Variants in MYBPC1 observed in about 807,000 individuals in gnomAD.
MYBPC1 encodes the protein myosin-binding protein C, slow-type.
MYBPC1 carries 52 observed loss-of-function variants against 147.1 expected under a neutral mutation model. The observed-to-expected ratio is 0.35, with a 90% CI of 0.28 to 0.45. The LOEUF (loss-of-function observed/expected upper bound fraction) is 0.45. Ranked by LOEUF, MYBPC1 falls within the 20% of genes least tolerant of loss-of-function variation. MYBPC1 has a pLI of 1.00. For synonymous variants in MYBPC1, 477 were observed against 475.9 expected, an observed-to-expected ratio of 1.00 and a Z score of -0.03; for missense variants, 1,228 against 1,440.3, an observed-to-expected ratio of 0.85 and a Z score of 2.39.
intron 18 of MYBPC1, among the ~76,000 whole-genome samples, chr12:101,658,139 A>G (rs949259534): frequency 6.6e-6 from 1 of 151,772 alleles, no homozygotes; most frequent in Non-Finnish European, 1.5e-5. Context: ...TCAAAAAAAA[A>G]AAAAAAAAAA....
At chr12:101,675,497 G>A in intron 26 of MYBPC1, 66 bp downstream of exon 26, 1 of 1,605,424 alleles carries the variant, frequency 6.2e-7, no homozygotes. Context: ...TAAAGGAGAT[G>A]GCACAAGGGC....
intron 26 of MYBPC1, among the ~76,000 whole-genome samples, chr12:101,676,037 GC>G (rs1408072954): frequency 2.0e-5 from 3 of 152,206 alleles, no homozygotes; most frequent in Non-Finnish European, 2.9e-5. Flanking sequence ...GGCTTTGAAT[GC>G]AGCCCAACAC....
At chr12:101,693,396 G>A in the MYBPC1 span, among the ~76,000 whole-genome samples, 10 of 152,154 alleles carry the variant, frequency 6.6e-5, no homozygotes, top group African/African-American at 2.2e-4. Flanking sequence ...CTGTGATTGA[G>A]ACAGCTTGAT....
At chr12:101,658,650 AG>A (rs1896014699) in intron 18 of MYBPC1, among the ~76,000 whole-genome samples, 1 of 152,226 alleles carries the variant, frequency 6.6e-6, no homozygotes, top group African/African-American at 2.4e-5. Flanking sequence ...ATTGATACAA[AG>A]GAGATGGATT....
At chr12:101,615,954 G>T (rs936820382) in intron 2 of MYBPC1, among the ~76,000 whole-genome samples, 2 of 151,716 alleles carry the variant, frequency 1.3e-5, no homozygotes, top group Non-Finnish European at 2.9e-5. Context: ...AAGCTGGAGC[G>T]CAGTGGCACC....
chr12:101,618,280 C>T (rs1171904406), intron 3 of MYBPC1, among the ~76,000 whole-genome samples: 4 of 152,224 alleles, frequency 2.6e-5, no homozygotes, highest in Non-Finnish European at 4.4e-5. Flanking sequence ...TCATAATGAA[C>T]GCATAACGTT....
chr12:101,599,087 T>G (rs993985429), intron 1 of MYBPC1, among the ~76,000 whole-genome samples: 1 of 152,254 alleles, frequency 6.6e-6, no homozygotes, highest in Non-Finnish European at 1.5e-5. Context: ...AGTTTTCTCA[T>G]GTTCCGTGTA....
chr12:101,599,220 T>C (rs933070797), intron 1 of MYBPC1, among the ~76,000 whole-genome samples: 3 of 152,366 alleles, frequency 2.0e-5, no homozygotes, highest in Non-Finnish European at 4.4e-5. Context: ...CAGATTATTT[T>C]GCTGTGTCAA....
chr12:101,661,172 C>T lies in MYBPC1; in HGVS notation c.1942C>T (p.Pro648Ser). 6.2e-7 allele frequency: 1 copy of T among 1,613,426 alleles called. No homozygotes were observed. Among genetic ancestry groups the T allele is most frequent in the Non-Finnish European group, 8.5e-7 (1 of 1,179,734 alleles). The change falls in exon 20 of 32, where the codon CCA becomes TCA. Residue 648 changes from proline (P) to serine (S), a missense_variant. Pro to Ser is a moderately conservative substitution (Grantham distance 74, BLOSUM62 -1). Coordinates refer to ENST00000361466, the MANE Select transcript of MYBPC1 (RefSeq NM_002465.4). ...KVKVVDFPDP[P>S]VAPTVTEVGD... ...GTCTGCCACAGACTTCCCTGATCCT[C>T]CAGTGGCACCGACTGTGACAGAGGT...
the MYBPC1 span, among the ~76,000 whole-genome samples, chr12:101,694,027 T>G: frequency 6.6e-6 from 1 of 152,196 alleles, no homozygotes; most frequent in African/African-American, 2.4e-5. Context: ...GGCGGCAGAC[T>G]AATAAAATGG....
chr12:101,631,838 C>A, intron 7 of MYBPC1, 119 bp downstream of exon 7: 1 of 1,468,620 alleles, frequency 6.8e-7, no homozygotes, highest in Non-Finnish European at 9.5e-7. Flanking sequence ...TCTGAAGTTA[C>A]CATTGCAGTG....
At chr12:101,676,120 C>G (rs374294443) in intron 26 of MYBPC1, among the ~76,000 whole-genome samples, 14 of 152,120 alleles carry the variant, frequency 9.2e-5, no homozygotes, top group African/African-American at 3.1e-4. Context: ...CTATCGTTAG[C>G]GTTAGTCTAT....
chr12:101,606,903 C>T (rs1400268266), intron 1 of MYBPC1, among the ~76,000 whole-genome samples: 2 of 152,094 alleles, frequency 1.3e-5, no homozygotes, highest in Non-Finnish European at 2.9e-5. Context: ...TGACTCACTG[C>T]AACCTTCGCC....
chr12:101,654,476 A>G (rs961543779), intron 18 of MYBPC1, among the ~76,000 whole-genome samples: 1 of 152,184 alleles, frequency 6.6e-6, no homozygotes, highest in Non-Finnish European at 1.5e-5. Context: ...GCAGTGGCAC[A>G]AGGAAGAAAA....
rs1593918749 is a variant in MYBPC1, at chr12:101,653,097, C to G, written c.1634-18C>G. Reference sequence around the variant, plus strand: ...AGAAATGACTGTCTGATAACAAAGACTATGCTTAATATTCTAGATCCTCCT... The same window carrying G: ...AGAAATGACTGTCTGATAACAAAGAGTATGCTTAATATTCTAGATCCTCCT... On this transcript the variant is annotated intron_variant, in intron 17 of 31. Coordinates refer to ENST00000361466, the MANE Select transcript of MYBPC1 (RefSeq NM_002465.4). 1.1e-6 allele frequency: 1 copy of G among 885,130 alleles called. No individual in the cohort carries two copies. The highest frequency in any genetic ancestry group is 2.7e-5 in the East Asian group (1 of 37,120). The allele number at this position is 885,130 out of a possible 1,614,324, so 54.8% of individuals were successfully genotyped here.
At position 101,678,257 on chromosome 12, in the gene MYBPC1, A is replaced by G. The variant is rs199643410; in HGVS notation, c.3246+19A>G. The G allele has an allele frequency of 2.5e-6, 4 of 1,613,548 alleles. No individual in the cohort carries two copies. Among genetic ancestry groups the G allele is most frequent in the Middle Eastern group, 1.7e-4 (1 of 6,060 alleles). Reference sequence around the variant, plus strand: ...TCCTAAGGTACCATGTTCTTCTATCACATCAGTTAAAGTCCCTGTCTTGTA... The same window carrying G: ...TCCTAAGGTACCATGTTCTTCTATCGCATCAGTTAAAGTCCCTGTCTTGTA... On this transcript the variant is annotated intron_variant, in intron 28 of 31. Coordinates refer to ENST00000361466, the MANE Select transcript of MYBPC1 (RefSeq NM_002465.4).
At chr12:101,633,237 G>A (rs1727093) in intron 8 of MYBPC1, among the ~76,000 whole-genome samples, 30,082 of 152,128 alleles carry the variant, frequency 0.2, 3,085 homozygotes, top group Middle Eastern at 0.27. Context: ...TCCAGCTTGA[G>A]TGTGTGGGTG....
chr12:101,641,545 G>A (rs576085031), intron 10 of MYBPC1, among the ~76,000 whole-genome samples: 1 of 152,218 alleles, frequency 6.6e-6, no homozygotes, highest in South Asian at 2.1e-4. Context: ...TGTAGTCAAT[G>A]ATCAAAAGTT....
intron 11 of MYBPC1, 37 bp from the exon 12 acceptor site, chr12:101,644,627 A>G: frequency 6.4e-7 from 1 of 1,562,172 alleles, no homozygotes; most frequent in Non-Finnish European, 8.8e-7. Context: ...ATATGTATAC[A>G]TATATTAACA....
Sources: allele counts gnomAD v4.1 joint callset (sites outside exome capture counted in the v4.1 genomes callset), GRCh38; gene constraint gnomAD v4.1.1; transcripts MANE v1.5; gene names NCBI Gene and HGNC (gene_info 2026-07-23, HGNC 2026-07-21).